ATP2B2: variants seen among roughly 807,000 people sequenced by gnomAD.
ATP2B2 encodes the protein ATPase plasma membrane Ca2+ transporting 2.
A neutral mutation model predicts 120.0 loss-of-function variants in ATP2B2; 15 were observed. The observed-to-expected ratio is 0.12, with a 90% CI of 0.08 to 0.19. The LOEUF (loss-of-function observed/expected upper bound fraction) is 0.19, where lower values mean the gene tolerates loss of function less well. ATP2B2 is among the 10% of genes least tolerant of loss of function. ATP2B2 has a pLI of 1.00. For synonymous variants in ATP2B2, 694 were observed against 700.3 expected (o/e 0.99, Z 0.14); for missense variants, 1,045 against 1,719.8 (o/e 0.61, Z 6.94).
chr3:10,480,651 A>G (rs1446184200), intron 1 of ATP2B2, among the ~76,000 whole-genome samples: 1 of 152,162 alleles, frequency 6.6e-6, no homozygotes, highest in African/African-American at 2.4e-5. Flanking sequence ...CTAGACCCCT[A>G]GCTTGGTCCA....
chr3:10,518,379 T>C (rs939319724), intron 3 of ATP2B2, among the ~76,000 whole-genome samples: 1 of 152,030 alleles, frequency 6.6e-6, no homozygotes, highest in African/African-American at 2.4e-5. Context: ...ACCAGGACCG[T>C]GGGTTTAGGC....
At chr3:10,583,759 T>A (rs1176716556) in intron 2 of ATP2B2, among the ~76,000 whole-genome samples, 1 of 152,216 alleles carries the variant, frequency 6.6e-6, no homozygotes, top group East Asian at 1.9e-4. Context: ...GGGTTCGGAC[T>A]GACCTGGGTC....
chr3:10,602,419 C>G (rs1369829670), intron 2 of ATP2B2, among the ~76,000 whole-genome samples: 1 of 152,190 alleles, frequency 6.6e-6, no homozygotes, highest in Non-Finnish European at 1.5e-5. Flanking sequence ...GGACATGGTG[C>G]CTGCATCCTT....
rs1403863626 is a variant in ATP2B2, at chr3:10,328,844, G to A, written c.3702C>T (p.Ser1234=). ...SKSATSSSPG[S]PIHSLETSL Reference sequence around the variant, plus strand: ...GCGACGTCTCCAGGCTGTGGATGGGGCTCCCTGGACTTGAAGAGGTAGCTG... The same window carrying A: ...GCGACGTCTCCAGGCTGTGGATGGGACTCCCTGGACTTGAAGAGGTAGCTG... Residue 1234 remains serine (S), a synonymous_variant, in exon 23 of 23, where the codon AGC becomes AGT. Coordinates refer to ENST00000360273, the MANE Select transcript of ATP2B2 (RefSeq NM_001001331.4). 4 of 1,612,440 alleles carry A rather than the reference G, an allele frequency of 2.5e-6. No individual in the cohort carries two copies. Among genetic ancestry groups the A allele is most frequent in the Non-Finnish European group, 2.5e-6 (3 of 1,178,750 alleles).
intron 2 of ATP2B2, among the ~76,000 whole-genome samples, chr3:10,577,741 G>C (rs141965748): frequency 3.9e-5 from 6 of 152,314 alleles, no homozygotes; most frequent in Admixed American, 3.9e-4. Context: ...TCCCGGCAGC[G>C]TGACTCGGAA....
At position 10,418,460 on chromosome 3, in the gene ATP2B2, T is replaced by C. The variant is rs1383148693; in HGVS notation, c.200-7645A>G. Among the ~76,000 whole-genome samples the C allele has an allele frequency of 5.3e-5, 8 of 152,314 alleles. No individual in the cohort carries two copies. The South Asian group carries it at 1.0e-3, about 20-fold the overall frequency. ...ACTTGAGGGCAGGGCAGGGTTCTGCTCTTCCCATGTGTGGGGCACCTCACA... is the reference window on the plus strand; with the variant it reads ...ACTTGAGGGCAGGGCAGGGTTCTGCCCTTCCCATGTGTGGGGCACCTCACA... On this transcript the variant is annotated intron_variant, in intron 2 of 22. Coordinates refer to ENST00000360273, the MANE Select transcript of ATP2B2 (RefSeq NM_001001331.4).
chr3:10,371,895 G>A lies in ATP2B2; in HGVS notation c.1573C>T (p.Pro525Ser). ...YVGDVHYKEIPDPSSINTKTM... is the reference protein window; with the variant it reads ...YVGDVHYKEISDPSSINTKTM... ...TTGGTGTTGATGGAGCTGGGGTCGGGGATCTCTTTATAGTGGACGTCGCCG... is the reference window on the plus strand; with the variant it reads ...TTGGTGTTGATGGAGCTGGGGTCGGAGATCTCTTTATAGTGGACGTCGCCG... Residue 525 changes from proline to serine, a missense_variant, in exon 12 of 23, where the codon CCC (proline) becomes TCC (serine). Coordinates refer to ENST00000360273, the MANE Select transcript of ATP2B2 (RefSeq NM_001001331.4). 6.2e-7 allele frequency: 1 copy of A among 1,614,098 alleles called. No homozygotes were observed. The highest frequency in any genetic ancestry group is 8.5e-7 in the Non-Finnish European group (1 of 1,180,024).
intron 1 of ATP2B2, among the ~76,000 whole-genome samples, chr3:10,688,746 T>A (rs956527262): frequency 5.3e-5 from 8 of 152,170 alleles, no homozygotes; most frequent in African/African-American, 1.9e-4. Flanking sequence ...AAGTGCTGAC[T>A]CACCAAAATG....
chr3:10,707,571 C>T (rs1277090100), intron 1 of ATP2B2, among the ~76,000 whole-genome samples: 1 of 152,192 alleles, frequency 6.6e-6, no homozygotes, highest in South Asian at 2.1e-4. Flanking sequence ...GTTCTAGCGT[C>T]CCGGACGCCC....
At chr3:10,643,717 G>A (rs12714857) in intron 1 of ATP2B2, among the ~76,000 whole-genome samples, 122,563 of 152,162 alleles carry the variant, frequency 0.81, 50,029 homozygotes, top group African/African-American at 0.94. Flanking sequence ...GTCATAAAAG[G>A]CAAAGAAAGG....
chr3:10,391,521 T>G (rs1194139136), intron 5 of ATP2B2, among the ~76,000 whole-genome samples: 1 of 152,162 alleles, frequency 6.6e-6, no homozygotes, highest in Non-Finnish European at 1.5e-5. Context: ...CCTTCTAATC[T>G]AATCACTCCC....
intron 2 of ATP2B2, among the ~76,000 whole-genome samples, chr3:10,585,939 T>C (rs2068500975): frequency 6.6e-6 from 1 of 152,322 alleles, no homozygotes; most frequent in African/African-American, 2.4e-5. Context: ...TGTTTAACCA[T>C]GGGCTATCTC....
intron 2 of ATP2B2, among the ~76,000 whole-genome samples, chr3:10,583,981 G>A (rs571075463): frequency 2.0e-5 from 3 of 152,318 alleles, no homozygotes; most frequent in African/African-American, 7.2e-5. Flanking sequence ...GTAATCGCTG[G>A]CCAGGTGCCT....
At chr3:10,649,031 G>A (rs2070387560) in intron 1 of ATP2B2, among the ~76,000 whole-genome samples, 1 of 152,162 alleles carries the variant, frequency 6.6e-6, no homozygotes, top group Non-Finnish European at 1.5e-5. Context: ...GTATAGACCT[G>A]CACCTCCAGT....
In ATP2B2 at chr3:10,382,844, C is replaced by T. The variant is rs559292453; in HGVS notation, c.1000+2424G>A. Among the ~76,000 whole-genome samples, 15 of 151,916 alleles carry T rather than the reference C, an allele frequency of 9.9e-5. No homozygotes were observed. The South Asian group carries it at 3.1e-3, about 32-fold the overall frequency. On this transcript the variant is annotated intron_variant, in intron 8 of 22. Transcript: ENST00000360273. ...GCAGGGTCAAAGGGAAAAATTATCA[C>T]CCTAATTTTTTTTTTCCATATCCAA...
intron 1 of ATP2B2, among the ~76,000 whole-genome samples, chr3:10,620,478 A>G (rs2069514542): frequency 6.6e-6 from 1 of 152,132 alleles, no homozygotes; most frequent in Admixed American, 6.5e-5. Flanking sequence ...GGAGGGTTTA[A>G]GGGAGGAACT....
At chr3:10,683,122 T>C (rs2071422861) in intron 1 of ATP2B2, among the ~76,000 whole-genome samples, 2 of 150,030 alleles carry the variant, frequency 1.3e-5, no homozygotes, top group South Asian at 4.2e-4. Context: ...CTGCCAGGGT[T>C]TTTTTTTTCT....
chr3:10,698,666 A>C (rs1012333922), intron 1 of ATP2B2, among the ~76,000 whole-genome samples: 2 of 152,172 alleles, frequency 1.3e-5, no homozygotes, highest in Non-Finnish European at 2.9e-5. Flanking sequence ...TGCAAGGGTG[A>C]GCAGGAGCTG....
At chr3:10,438,784 G>A (rs546511728) in intron 2 of ATP2B2, among the ~76,000 whole-genome samples, 97 of 152,316 alleles carry the variant, frequency 6.4e-4, no homozygotes, top group African/African-American at 2.2e-3. Flanking sequence ...CCCAGGCTGG[G>A]TGGATGACTC....
Sources: gnomAD v4.1 joint callset for allele counts (sites outside exome capture counted in the v4.1 genomes callset) on GRCh38, gnomAD v4.1.1 for gene constraint, MANE v1.5 for transcripts, NCBI Gene and HGNC (gene_info 2026-07-23, HGNC 2026-07-21) for gene names.